DCDC2: variants seen among roughly 807,000 people sequenced by gnomAD.
DCDC2 encodes the protein doublecortin domain containing 2.
Under a neutral mutation model 50.2 loss-of-function variants are expected in DCDC2, and 40 were observed. The ratio of observed to expected loss-of-function variants is 0.80; its 90% CI spans 0.62 to 1.04. DCDC2 has a LOEUF of 1.04. DCDC2 is among the 50% of genes least tolerant of loss of function. The probability of loss-of-function intolerance (pLI) is 0.00; values close to 1 mark genes in which losing one functional copy is unlikely to be tolerated. For synonymous variants in DCDC2, 234 were observed against 210.6 expected (o/e 1.11, Z -0.96); for missense variants, 570 against 581.9 (o/e 0.98, Z 0.21).
At chr6:24,246,499 T>G (rs1170924124) in intron 7 of DCDC2, among the ~76,000 whole-genome samples, 7 of 138,242 alleles carry the variant, frequency 5.1e-5, no homozygotes, top group African/African-American at 1.3e-4. Context: ...TTTTTTTTTT[T>G]TTTTTGAGAT....
At chr6:24,288,828 A>G (rs1406816083) in intron 6 of DCDC2, 24 bp downstream of exon 6, 1 of 1,596,952 alleles carries the variant, frequency 6.3e-7, no homozygotes, top group South Asian at 1.1e-5. Context: ...TAGAACATCA[A>G]CGAGGAAAGC....
chr6:24,207,290 G>GACAC (rs145473567), intron 7 of DCDC2, among the ~76,000 whole-genome samples: 1 of 95,946 alleles, frequency 1.0e-5, no homozygotes, highest in African/African-American at 4.1e-5. Flanking sequence ...CTCTCTCTCA[G>GACAC]ACACACACAC....
At chr6:24,234,254 G>A (rs1209586850) in intron 7 of DCDC2, among the ~76,000 whole-genome samples, 2 of 152,002 alleles carry the variant, frequency 1.3e-5, no homozygotes, top group African/African-American at 4.8e-5. Context: ...ATCGCACGGG[G>A]CACAGAGGAA....
the DCDC2 span, among the ~76,000 whole-genome samples, chr6:24,370,175 A>G: frequency 6.6e-6 from 1 of 152,234 alleles, no homozygotes. Context: ...GGACACACCA[A>G]ATACTAATGG....
intron 7 of DCDC2, among the ~76,000 whole-genome samples, chr6:24,218,397 T>C (rs1340913658): frequency 6.6e-6 from 1 of 152,256 alleles, no homozygotes; most frequent in Non-Finnish European, 1.5e-5. Flanking sequence ...GTTCTTTTCA[T>C]GTCATGACTT....
intron 7 of DCDC2, among the ~76,000 whole-genome samples, chr6:24,205,468 C>A (rs1581585408): frequency 6.6e-6 from 1 of 152,312 alleles, no homozygotes; most frequent in South Asian, 2.1e-4. Flanking sequence ...AAAATGCTTG[C>A]TGCTTTAAAA....
chr6:24,203,622 G>T (rs1761637786), intron 8 of DCDC2, among the ~76,000 whole-genome samples: 1 of 152,254 alleles, frequency 6.6e-6, no homozygotes, highest in East Asian at 1.9e-4. Context: ...GGCAACAAAA[G>T]CCGAAATTGA....
chr6:24,309,805 T>C (rs1317954236), intron 2 of DCDC2, among the ~76,000 whole-genome samples: 2 of 152,044 alleles, frequency 1.3e-5, no homozygotes, highest in African/African-American at 2.4e-5. Flanking sequence ...TCTCACAATA[T>C]ACTGTTTATA....
upstream of DCDC2, among the ~76,000 whole-genome samples, chr6:24,361,813 G>A (rs1430467307): frequency 2.0e-5 from 3 of 152,174 alleles, no homozygotes; most frequent in Admixed American, 6.5e-5. Flanking sequence ...GAAGCTGCCC[G>A]CATCAAGTCT....
the DCDC2 span, among the ~76,000 whole-genome samples, chr6:24,378,280 G>A: frequency 2.0e-5 from 3 of 152,130 alleles, no homozygotes; most frequent in East Asian, 1.9e-4. Flanking sequence ...TTCCCCTCCC[G>A]CTTCTGTGTG....
At chr6:24,190,401 G>C (rs970866694) in intron 8 of DCDC2, among the ~76,000 whole-genome samples, 1 of 152,162 alleles carries the variant, frequency 6.6e-6, no homozygotes, top group African/African-American at 2.4e-5. Flanking sequence ...GAGGGGGAGG[G>C]ATAGCATTAG....
chr6:24,344,138 G>A (rs1402595402), intron 2 of DCDC2, among the ~76,000 whole-genome samples: 4 of 151,782 alleles, frequency 2.6e-5, no homozygotes, highest in East Asian at 1.9e-4. Flanking sequence ...CATCCCAAGC[G>A]CCAGTAACCA....
rs186352305 is a variant in DCDC2, at chr6:24,299,178, C to T, written c.557+2537G>A. Among the ~76,000 whole-genome samples the T allele has an allele frequency of 4.8e-3, 726 of 152,258 alleles. 1 individual carries two copies. Among genetic ancestry groups the T allele is most frequent in the Non-Finnish European group, 8.1e-3 (554 of 68,004 alleles). ...AGCCAGGAAAATACTGAAATCCTGT[C>T]CTTTGCAGCAATATGGATGCAGCTG... is the stretch of plus-strand genomic sequence containing the variant. On this transcript the variant is annotated intron_variant, in intron 4 of 9. Transcript: ENST00000378454.
intron 6 of DCDC2, among the ~76,000 whole-genome samples, chr6:24,281,487 G>GA (rs59842458): frequency 0.076 from 6,363 of 83,786 alleles, 258 homozygotes; most frequent in Non-Finnish European, 0.085. Flanking sequence ...ATGCTTTTAA[G>GA]AAAAAAAAAA....
At chr6:24,370,049 G>GA in the DCDC2 span, among the ~76,000 whole-genome samples, 1,716 of 146,972 alleles carry the variant, frequency 0.012, 11 homozygotes, top group South Asian at 0.04. Flanking sequence ...GTCTCAAAAA[G>GA]AAAAAAAAAA....
At chr6:24,289,990 T>C (rs1257178710) in intron 5 of DCDC2, among the ~76,000 whole-genome samples, 25 of 76,616 alleles carry the variant, frequency 3.3e-4, no homozygotes, top group African/African-American at 1.2e-3. Flanking sequence ...TTTTTTTTTT[T>C]TTTTTTTTTT....
intron 4 of DCDC2, among the ~76,000 whole-genome samples, chr6:24,296,569 A>C (rs1759250052): frequency 6.6e-6 from 1 of 152,240 alleles, no homozygotes; most frequent in African/African-American, 2.4e-5. Context: ...CAAACTATGC[A>C]TCTGACAAAG....
rs4052666 is a variant in DCDC2 at position 24,246,479 on chromosome 6, C to CTTTTTTTTTTTTTTT, written c.922+31555_922+31569dup. On this transcript the variant is annotated intron_variant, in intron 7 of 9. Transcript: ENST00000378454. ...GATAAAGACAAGTCTTTTTCTTTTT[C>CTTTTTTTTTTTTTTT]TTTTTTTTTTTTTTTTTTTTTTTTT... Among the ~76,000 whole-genome samples the CTTTTTTTTTTTTTTT allele has an allele frequency of 1.5e-3, 104 of 70,786 alleles. 5 individuals carry two copies. Among genetic ancestry groups the CTTTTTTTTTTTTTTT allele is most frequent in the East Asian group, 1.9e-3 (4 of 2,056 alleles). The allele number at this position is 70,786 out of a possible 152,430, so 46.4% of individuals were successfully genotyped here.
At chr6:24,346,181 G>A (rs1760251269) in intron 2 of DCDC2, among the ~76,000 whole-genome samples, 1 of 151,146 alleles carries the variant, frequency 6.6e-6, no homozygotes, top group South Asian at 2.1e-4. Flanking sequence ...TGTATTTACT[G>A]CTGACCCTGA....
Sources: allele counts gnomAD v4.1 joint callset (sites outside exome capture counted in the v4.1 genomes callset), GRCh38; gene constraint gnomAD v4.1.1; transcripts MANE v1.5; gene names NCBI Gene and HGNC (gene_info 2026-07-23, HGNC 2026-07-21).